Variants in PPARGC1A observed in about 807,000 individuals in gnomAD.
PPARGC1A encodes the protein PPARG coactivator 1 alpha, also known as peroxisome proliferator-activated receptor gamma coactivator 1-alpha.
Under a neutral mutation model 88.7 loss-of-function variants are expected in PPARGC1A, and 25 were observed. The ratio of observed to expected loss-of-function variants is 0.28; its 90% CI spans 0.21 to 0.39. PPARGC1A has a LOEUF of 0.39. PPARGC1A is among the 10% of genes least tolerant of loss of function. The pLI is 1.00. For missense variants in PPARGC1A, 880 were observed against 968.7 expected (o/e 0.91, Z 1.22); for synonymous variants, 363 against 355.6 (o/e 1.02, Z -0.24).
chr4:24,057,982 C>A, the PPARGC1A span, among the ~76,000 whole-genome samples: 1 of 152,110 alleles, frequency 6.6e-6, no homozygotes, highest in African/African-American at 2.4e-5. Flanking sequence ...GAGAGGGAAG[C>A]GAGTGATTGA....
At chr4:23,812,935 G>A (rs1721201710) in intron 9 of PPARGC1A, 68 bp from the exon 10 acceptor site, 1 of 1,612,536 alleles carries the variant, frequency 6.2e-7, no homozygotes, top group Non-Finnish European at 8.5e-7. Context: ...ATAATAATAT[G>A]GGGAGGGGTA....
At chr4:24,472,361 G>C in the PPARGC1A span, among the ~76,000 whole-genome samples, 1 of 145,504 alleles carries the variant, frequency 6.9e-6, no homozygotes, top group Non-Finnish European at 1.5e-5. The surrounding 1 kb of genome is among the most constrained non-coding windows in gnomAD (Gnocchi z 4.5). Flanking sequence ...GCCCGGCACC[G>C]AGCCACCCCT....
chr4:24,418,947 T>C, the PPARGC1A span, among the ~76,000 whole-genome samples: 5 of 152,222 alleles, frequency 3.3e-5, no homozygotes, highest in Non-Finnish European at 7.3e-5. Flanking sequence ...GTAGCTGTTA[T>C]TCAGTTTTCA....
the PPARGC1A span, among the ~76,000 whole-genome samples, chr4:24,315,975 A>G: frequency 1.1e-4 from 16 of 152,214 alleles, no homozygotes; most frequent in African/African-American, 3.9e-4. Flanking sequence ...CTGCTTGAAG[A>G]GCCACAGTCC....
At chr4:23,835,330 G>A (rs1212672734) in intron 2 of PPARGC1A, among the ~76,000 whole-genome samples, 1 of 152,100 alleles carries the variant, frequency 6.6e-6, no homozygotes, top group Non-Finnish European at 1.5e-5. Context: ...CAAATACAAT[G>A]GCAAAAATAT....
chr4:24,330,805 C>A, the PPARGC1A span, among the ~76,000 whole-genome samples: 4 of 152,094 alleles, frequency 2.6e-5, no homozygotes, highest in Admixed American at 6.5e-5. Context: ...GCTTCAGAAC[C>A]CAGGCTTTCA....
chr4:24,368,392 T>G, the PPARGC1A span, among the ~76,000 whole-genome samples: 26 of 152,288 alleles, frequency 1.7e-4, no homozygotes, highest in Non-Finnish European at 3.2e-4. Context: ...AGATATTTTG[T>G]AGTCATGGTA....
the PPARGC1A span, among the ~76,000 whole-genome samples, chr4:24,013,672 C>T: frequency 6.6e-6 from 1 of 152,172 alleles, no homozygotes; most frequent in Admixed American, 6.6e-5. Context: ...TACTCTCCTA[C>T]ACACACAATG....
the PPARGC1A span, among the ~76,000 whole-genome samples, chr4:24,324,585 T>A: frequency 6.6e-6 from 1 of 152,198 alleles, no homozygotes; most frequent in Non-Finnish European, 1.5e-5. Context: ...AAATGCCTTA[T>A]TTTCTTCTGC....
At chr4:24,284,029 C>G in the PPARGC1A span, among the ~76,000 whole-genome samples, 1 of 151,522 alleles carries the variant, frequency 6.6e-6, no homozygotes. Context: ...CCTGTAATCC[C>G]AGCAGCACTC....
At chr4:24,078,410 G>A in the PPARGC1A span, among the ~76,000 whole-genome samples, 1 of 152,104 alleles carries the variant, frequency 6.6e-6, no homozygotes, top group Non-Finnish European at 1.5e-5. Flanking sequence ...TCACTCTTTA[G>A]TAAACAGACT....
chr4:24,326,594 C>T, the PPARGC1A span, among the ~76,000 whole-genome samples: 1 of 152,232 alleles, frequency 6.6e-6, no homozygotes, highest in African/African-American at 2.4e-5. Flanking sequence ...AGACAGCCCC[C>T]ATTACTTCAG....
the PPARGC1A span, among the ~76,000 whole-genome samples, chr4:24,286,198 A>G: frequency 6.6e-6 from 1 of 152,094 alleles, no homozygotes; most frequent in Non-Finnish European, 1.5e-5. Context: ...CAGTGCCCAG[A>G]GAACAAAATA....
At chr4:24,199,981 C>T in the PPARGC1A span, among the ~76,000 whole-genome samples, 6 of 151,556 alleles carry the variant, frequency 4.0e-5, no homozygotes, top group Admixed American at 1.3e-4. Context: ...TGCACCAACA[C>T]GAGAATAGGA....
the PPARGC1A span, among the ~76,000 whole-genome samples, chr4:24,111,082 C>A: frequency 6.6e-6 from 1 of 152,124 alleles, no homozygotes; most frequent in Non-Finnish European, 1.5e-5. Context: ...TGTTGTTTCT[C>A]TGAGGTCACA....
chr4:24,372,068 A>C, the PPARGC1A span, among the ~76,000 whole-genome samples: 1 of 152,172 alleles, frequency 6.6e-6, no homozygotes, highest in Non-Finnish European at 1.5e-5. Flanking sequence ...TCTTGCCTCC[A>C]GAGTTTGGGA....
the PPARGC1A span, among the ~76,000 whole-genome samples, chr4:24,136,001 C>T: frequency 2.0e-5 from 3 of 152,120 alleles, no homozygotes; most frequent in Non-Finnish European, 2.9e-5. Flanking sequence ...AGAGGGGGTA[C>T]GCTTCCTCCC....
At chr4:24,008,432 T>C in the PPARGC1A span, among the ~76,000 whole-genome samples, 1 of 152,194 alleles carries the variant, frequency 6.6e-6, no homozygotes, top group Non-Finnish European at 1.5e-5. Flanking sequence ...CTTGTACATC[T>C]ACCCTGTGAA....
the PPARGC1A span, among the ~76,000 whole-genome samples, chr4:24,274,368 A>AAC: frequency 6.6e-6 from 1 of 152,066 alleles, no homozygotes; most frequent in South Asian, 2.1e-4. Context: ...TTTACTGTAA[A>AAC]GCAGAGGCCA....
Sources: gnomAD v4.1 joint callset for allele counts (sites outside exome capture counted in the v4.1 genomes callset) on GRCh38, gnomAD v4.1.1 for gene constraint, Gnocchi (gnomAD v3.1) non-coding constraint, MANE v1.5 for transcripts, NCBI Gene and HGNC (gene_info 2026-07-23, HGNC 2026-07-21) for gene names.